Variants in ZNF721 observed in about 807,000 individuals in gnomAD.
ZNF721 encodes the protein zinc finger protein 721.
ZNF721 carries 2 observed loss-of-function variants against 2.4 expected under a neutral mutation model. That is an observed-to-expected ratio of 0.82 (90% confidence interval 0.34 to 2.58). The LOEUF (loss-of-function observed/expected upper bound fraction) is 2.58. Among genes scored for constraint, ZNF721 ranks in the 30% most tolerant of loss-of-function variants. The probability of loss-of-function intolerance (pLI) is 0.11; values close to 1 mark genes in which losing one functional copy is unlikely to be tolerated. For synonymous variants in ZNF721, 398 were observed against 381.8 expected (o/e 1.04, Z -0.50); for missense variants, 1,187 against 1,085.5 (o/e 1.09, Z -1.31).
intron 1 of ZNF721, among the ~76,000 whole-genome samples, chr4:474,432 A>G (rs1167597552): frequency 6.6e-6 from 1 of 152,084 alleles, no homozygotes. Flanking sequence ...TAAATTGTGC[A>G]CGCGCGCGCG....
At chr4:458,469 C>T (rs1553865652) in intron 2 of ZNF721, among the ~76,000 whole-genome samples, 1 of 152,198 alleles carries the variant, frequency 6.6e-6, no homozygotes, top group Non-Finnish European at 1.5e-5. Flanking sequence ...GACATCAAAA[C>T]AAGGCTTCAT....
intron 1 of ZNF721, among the ~76,000 whole-genome samples, chr4:491,754 G>A (rs1716027199): frequency 1.3e-5 from 2 of 152,162 alleles, no homozygotes; most frequent in African/African-American, 4.8e-5. Flanking sequence ...AGATTTAGCA[G>A]GACTTGGTGT....
At chr4:473,703 C>A (rs1042469796) in intron 1 of ZNF721, among the ~76,000 whole-genome samples, 3 of 152,206 alleles carry the variant, frequency 2.0e-5, no homozygotes, top group Admixed American at 2.0e-4. Flanking sequence ...GCGCACGCCG[C>A]ACCTGGCGTC....
chr4:480,019 G>C (rs1576970073), intron 1 of ZNF721, among the ~76,000 whole-genome samples: 1 of 151,948 alleles, frequency 6.6e-6, no homozygotes, highest in African/African-American at 2.4e-5. Context: ...TTGTGTGTTT[G>C]GTTTCACCTG....
rs993442555 is a variant in ZNF721 at position 450,020 on chromosome 4, G to A, written c.35-5588C>T. Among the ~76,000 whole-genome samples, 3 of 152,094 alleles carry A rather than the reference G, an allele frequency of 2.0e-5. No homozygotes were observed. In the South Asian group the frequency reaches 6.2e-4, roughly 32 times the overall value. ...CATATGTTTAAACCATCAACAAATG[G>A]TATTTTAACACTGTTTCTTTGACTC... On this transcript the variant is annotated intron_variant, in intron 2 of 2. Transcript: ENST00000511833.
intron 2 of ZNF721, among the ~76,000 whole-genome samples, chr4:449,993 A>G (rs1477375687): frequency 6.6e-6 from 1 of 152,196 alleles, no homozygotes; most frequent in Non-Finnish European, 1.5e-5. Context: ...ATCACAGGAT[A>G]ACATATGTTT....
intron 1 of ZNF721, among the ~76,000 whole-genome samples, chr4:495,331 C>CAAA (rs548290022): frequency 0.017 from 1,550 of 90,456 alleles, 24 homozygotes; most frequent in Non-Finnish European, 0.022. Flanking sequence ...AACTTTTGCT[C>CAAA]AAAAAAAAAA....
intron 2 of ZNF721, among the ~76,000 whole-genome samples, chr4:460,195 T>C (rs1553865874): frequency 6.6e-6 from 1 of 152,004 alleles, no homozygotes; most frequent in African/African-American, 2.4e-5. Flanking sequence ...TAACTGGAAG[T>C]AAAACACACT....
chr4:444,138 T>A lies in ZNF721; in HGVS notation c.329A>T (p.Lys110Ile). The part of the protein sequence containing the change: ...KTRHTGEKHF[K>I]CNECGKSFQK... ...AAATGACTTGCCACATTCGTTACAT[T>A]TAAAGTGTTTCTCTCCAGTATGTCT... Residue 110 changes from lysine to isoleucine, a missense_variant, in exon 3 of 3, where the codon AAA (lysine) becomes ATA (isoleucine). By Grantham distance (102) the Lys-to-Ile change is moderately radical. Transcript: ENST00000511833. 6.2e-7 allele frequency: 1 copy of A among 1,614,148 alleles called. No homozygotes were observed. Among genetic ancestry groups the A allele is most frequent in the Non-Finnish European group, 8.5e-7 (1 of 1,179,986 alleles).
chr4:493,065 C>T (rs1221923917), intron 1 of ZNF721, among the ~76,000 whole-genome samples: 1 of 150,882 alleles, frequency 6.6e-6, no homozygotes, highest in Non-Finnish European at 1.5e-5. Flanking sequence ...GTATTTATCA[C>T]ATTACATTTA....
At chr4:476,752 G>A (rs1401955317) in intron 1 of ZNF721, among the ~76,000 whole-genome samples, 1 of 152,198 alleles carries the variant, frequency 6.6e-6, no homozygotes, top group African/African-American at 2.4e-5. Context: ...CTAAGTTACA[G>A]CAGCAATTTG....
At chr4:492,536 T>C (rs575532142) in intron 1 of ZNF721, among the ~76,000 whole-genome samples, 1 of 151,946 alleles carries the variant, frequency 6.6e-6, no homozygotes, top group East Asian at 1.9e-4. Flanking sequence ...TAAGTGTTTT[T>C]TTACACCAAG....
chr4:486,989 G>C (rs1323919755), intron 1 of ZNF721, among the ~76,000 whole-genome samples: 1 of 152,154 alleles, frequency 6.6e-6, no homozygotes, highest in Non-Finnish European at 1.5e-5. Flanking sequence ...TGAGTAGTGT[G>C]GTCTATGGAG....
At chr4:463,878 C>A (rs1715152979) in intron 2 of ZNF721, among the ~76,000 whole-genome samples, 1 of 152,020 alleles carries the variant, frequency 6.6e-6, no homozygotes, top group South Asian at 2.1e-4. Flanking sequence ...GCACATTCTA[C>A]ACATATACCT....
In ZNF721 at chr4:440,432, T is replaced by A. The variant is rs1401898642; in HGVS notation, c.*1263A>T. Reference sequence around the variant, plus strand: ...TTCAAGTGAAAAAATATATTTCGAATATATCTCTTCAAAAACCTACTTTTC... The same window carrying A: ...TTCAAGTGAAAAAATATATTTCGAAAATATCTCTTCAAAAACCTACTTTTC... On this transcript the variant is annotated 3_prime_UTR_variant, in exon 3 of 3. Coordinates refer to ENST00000511833, the MANE Select transcript of ZNF721 (RefSeq NM_133474.4). 6.6e-6 allele frequency: 1 copy of A among 152,204 alleles called. No individual in the cohort carries two copies. The highest frequency in any genetic ancestry group is 1.5e-5 in the Non-Finnish European group (1 of 68,038). The allele number at this position is 152,204 out of a possible 1,614,324, so 9.4% of individuals were successfully genotyped here.
intron 1 of ZNF721, among the ~76,000 whole-genome samples, chr4:486,219 C>T (rs1351331287): frequency 6.7e-6 from 1 of 148,358 alleles, no homozygotes; most frequent in African/African-American, 2.5e-5. Flanking sequence ...CATGCAGTGG[C>T]GCGATCTTGG....
At chr4:485,975 AAAATAAAT>A (rs563086296) in intron 1 of ZNF721, among the ~76,000 whole-genome samples, 2 of 151,848 alleles carry the variant, frequency 1.3e-5, no homozygotes, top group East Asian at 1.9e-4. Context: ...CTCCATCTAA[AAAATAAAT>A]AAATAAATAA....
chr4:452,367 G>A (rs552021014), intron 2 of ZNF721, among the ~76,000 whole-genome samples: 2 of 152,288 alleles, frequency 1.3e-5, no homozygotes, highest in South Asian at 4.2e-4. Flanking sequence ...AAAAGGCTAA[G>A]GCTAAAATAC....
At chr4:469,284 C>CA (rs139974014) in intron 2 of ZNF721, among the ~76,000 whole-genome samples, 7,326 of 147,582 alleles carry the variant, frequency 0.05, 238 homozygotes, top group African/African-American at 0.095. Flanking sequence ...CAAAATTTCC[C>CA]AAAAAAAAGA....
Sources: allele counts gnomAD v4.1 joint callset (sites outside exome capture counted in the v4.1 genomes callset), GRCh38; gene constraint gnomAD v4.1.1; transcripts MANE v1.5; gene names NCBI Gene and HGNC (gene_info 2026-07-23, HGNC 2026-07-21).